Variants in KIF13A observed in about 807,000 individuals in gnomAD.
The protein encoded by KIF13A is kinesin-like protein KIF13A.
Under a neutral mutation model 212.2 loss-of-function variants are expected in KIF13A, and 79 were observed. The ratio of observed to expected loss-of-function variants is 0.37; its 90% CI spans 0.31 to 0.45. KIF13A has a LOEUF of 0.45. KIF13A is among the 20% of genes least tolerant of loss of function. KIF13A has a pLI of 1.00. For missense variants in KIF13A, 1,901 were observed against 2,209.0 expected (o/e 0.86, Z 2.79); for synonymous variants, 789 against 808.6 (o/e 0.98, Z 0.41).
At chr6:17,841,935 T>G (rs544517914) in intron 9 of KIF13A, among the ~76,000 whole-genome samples, 4 of 150,400 alleles carry the variant, frequency 2.7e-5, no homozygotes, top group Middle Eastern at 3.2e-3. Context: ...GTCTGTGTGT[T>G]TGTGTGTCTA....
In KIF13A at chr6:17,780,850, C is replaced by T; in HGVS notation, c.3726G>A (p.Arg1242=). Residue 1242 remains arginine, a synonymous_variant, in exon 31 of 39, where the codon AGG becomes AGA. Transcript: ENST00000259711. Reference sequence around the variant, plus strand: ...AAATCCTTTCATTCTGTGGTGTGACCCTATTCAAGTGAACAGAATCATGCA... The same window carrying T: ...AAATCCTTTCATTCTGTGGTGTGACTCTATTCAAGTGAACAGAATCATGCA... ...SSVHDSVHLN[R]VTPQNERIYL... The T allele has an allele frequency of 6.2e-7, 1 of 1,613,808 alleles. No homozygotes were observed. The highest frequency in any genetic ancestry group is 1.1e-5 in the South Asian group (1 of 91,080).
In KIF13A at chr6:17,810,919, C is replaced by A. The variant is rs143551910; in HGVS notation, c.2001-1989G>T. Reference sequence around the variant, plus strand: ...GCTTCGCTTGCTGGCCCACTATTCACCTCCTGCTGTGCAGCCTGGTTCCTA... The same window carrying A: ...GCTTCGCTTGCTGGCCCACTATTCAACTCCTGCTGTGCAGCCTGGTTCCTA... On this transcript the variant is annotated intron_variant, in intron 17 of 38. Coordinates refer to ENST00000259711, the MANE Select transcript of KIF13A (RefSeq NM_022113.6). Among the ~76,000 whole-genome samples, 1,239 of 152,316 alleles carry A rather than the reference C, an allele frequency of 8.1e-3. 20 individuals carry two copies. Among genetic ancestry groups the A allele is most frequent in the African/African-American group, 0.029 (1,196 of 41,576 alleles).
At position 17,777,382 on chromosome 6, in the gene KIF13A, A is replaced by G. The variant is rs375439120; in HGVS notation, c.4093-28T>C. On this transcript the variant is annotated intron_variant, in intron 33 of 38. Transcript: ENST00000259711. The surrounding 1 kb of genome is among the most constrained non-coding windows in gnomAD (Gnocchi z 4.4). ...GTAAACATAATAATTTGAAAATAAC[A>G]CTTTTTTTTTTTTTCCCCAGAGACA... 2.1e-4 allele frequency: 297 copies of G among 1,419,086 alleles called. No individual in the cohort carries two copies. The highest frequency in any genetic ancestry group is 2.0e-3 in the African/African-American group (105 of 52,026). The allele number at this position is 1,419,086 out of a possible 1,614,324, so 87.9% of individuals were successfully genotyped here. A position where few individuals can be genotyped will look rare whatever the true frequency, so the allele number is the denominator to read the frequency against.
chr6:17,894,501 T>C (rs921579941), intron 3 of KIF13A, among the ~76,000 whole-genome samples: 14 of 152,120 alleles, frequency 9.2e-5, no homozygotes, highest in African/African-American at 3.4e-4. Flanking sequence ...TTCATAATCA[T>C]GACTTTTTTT....
At chr6:17,981,276 G>A (rs1466270481) in intron 2 of KIF13A, among the ~76,000 whole-genome samples, 1 of 151,592 alleles carries the variant, frequency 6.6e-6, no homozygotes, top group Non-Finnish European at 1.5e-5. Context: ...ACAGTTAAGA[G>A]TATTTTTTCA....
At chr6:17,810,588 T>C (rs984257232) in intron 17 of KIF13A, among the ~76,000 whole-genome samples, 2 of 152,228 alleles carry the variant, frequency 1.3e-5, no homozygotes, top group Admixed American at 6.5e-5. Flanking sequence ...TATTGTGCAC[T>C]TTATTTCTAT....
rs1294696224 is a variant in KIF13A, at chr6:17,915,722, G to C, written c.147-17542C>G. Among the ~76,000 whole-genome samples, 2 of 152,136 alleles carry C rather than the reference G, an allele frequency of 1.3e-5. No homozygotes were observed. Among genetic ancestry groups the C allele is most frequent in the African/African-American group, 4.8e-5 (2 of 41,414 alleles). On this transcript the variant is annotated intron_variant, in intron 2 of 38. Coordinates refer to ENST00000259711, the MANE Select transcript of KIF13A (RefSeq NM_022113.6). This position sits in a 1 kb window ranked among gnomAD's most constrained non-coding sequence, Gnocchi z 4.4. ...CACGCCTGTAATCGCAGCACTTTGG[G>C]AGGCTAAGGCAGGTGGATCACTTGA...
intron 2 of KIF13A, among the ~76,000 whole-genome samples, chr6:17,955,419 C>T (rs558548551): frequency 6.6e-6 from 1 of 152,324 alleles, no homozygotes; most frequent in African/African-American, 2.4e-5. Flanking sequence ...GGCAAAGCTT[C>T]ATGTAGACTT....
At chr6:17,805,747 C>T in intron 18 of KIF13A, 132 bp from the exon 19 acceptor site, 1 of 768,708 alleles carries the variant, frequency 1.3e-6, no homozygotes, top group South Asian at 2.0e-5. Context: ...TAAAATTCTA[C>T]CACCTACGAG....
chr6:17,926,525 C>G lies in KIF13A; in HGVS notation c.147-28345G>C, dbSNP rs894903333. On this transcript the variant is annotated intron_variant, in intron 2 of 38. Transcript: ENST00000259711. This position sits in a 1 kb window ranked among gnomAD's most constrained non-coding sequence, Gnocchi z 4.3. ...GGTATTACAGGTGTGAGCCACCATG[C>G]CTGGCCCCTGGTACGTTTCTTTAAA... 6.6e-6 allele frequency among the ~76,000 whole-genome samples: 1 copy of G among 152,136 alleles called. No homozygotes were observed. Among genetic ancestry groups the G allele is most frequent in the Admixed American group, 6.5e-5 (1 of 15,276 alleles).
chr6:17,869,013 A>AC (rs1219443752), intron 4 of KIF13A, among the ~76,000 whole-genome samples: 2 of 149,420 alleles, frequency 1.3e-5, no homozygotes, highest in African/African-American at 2.5e-5. Flanking sequence ...AAAAAAAAAA[A>AC]AAAAAAACAC....
chr6:17,908,646 A>T (rs931622039), intron 2 of KIF13A, among the ~76,000 whole-genome samples: 1 of 152,138 alleles, frequency 6.6e-6, no homozygotes, highest in African/African-American at 2.4e-5. Context: ...TTGTAATTTT[A>T]AAAAATGCTA....
chr6:17,879,018 T>G (rs577194419), intron 3 of KIF13A, among the ~76,000 whole-genome samples: 1 of 152,174 alleles, frequency 6.6e-6, no homozygotes, highest in Non-Finnish European at 1.5e-5. Flanking sequence ...TATTAAACAT[T>G]TACTAGGAAG....
rs976410798 is a variant in KIF13A, at chr6:17,987,304, GC to G, written c.55+104del. 4.2e-5 allele frequency: 38 copies of G among 906,962 alleles called. No individual in the cohort carries two copies. The highest frequency in any genetic ancestry group is 4.2e-4 in the Middle Eastern group (1 of 2,384). 56.2% of individuals were successfully genotyped at this position (906,962 alleles called of 1,614,324 possible). A position where few individuals can be genotyped will look rare whatever the true frequency, so the allele number is the denominator to read the frequency against. ...CAGCGCGGACGCCGCCTCCGCCCCG[GC>G]CCCCCGGCCCCGGCCGCGCTCTCGC... On this transcript the variant is annotated intron_variant, in intron 1 of 38. Transcript: ENST00000259711. This position sits in a 1 kb window ranked among gnomAD's most constrained non-coding sequence, Gnocchi z 7.7.
At chr6:17,973,346 A>T (rs1382336044) in intron 2 of KIF13A, among the ~76,000 whole-genome samples, 1 of 152,190 alleles carries the variant, frequency 6.6e-6, no homozygotes, top group Non-Finnish European at 1.5e-5. Flanking sequence ...AGGTATGTAG[A>T]ATGTCTGTAA....
At chr6:17,793,927 C>G (rs1283315207) in intron 25 of KIF13A, among the ~76,000 whole-genome samples, 1 of 151,552 alleles carries the variant, frequency 6.6e-6, no homozygotes, top group African/African-American at 2.4e-5. Context: ...AAAAAAAACA[C>G]ACACAAAAAA....
intron 2 of KIF13A, among the ~76,000 whole-genome samples, chr6:17,908,940 T>C (rs1225472089): frequency 6.6e-6 from 1 of 152,196 alleles, no homozygotes; most frequent in Non-Finnish European, 1.5e-5. Context: ...TCTAGCCATG[T>C]TGACCTTGGA....
In KIF13A at chr6:17,951,231, G is replaced by A. The variant is rs1301651204; in HGVS notation, c.146+35823C>T. ...GTGCAGTGGCTCAAACAGCTCACTGGAGCCTCCTGCCTCAGTCTCCTGAGT... is the reference window on the plus strand; with the variant it reads ...GTGCAGTGGCTCAAACAGCTCACTGAAGCCTCCTGCCTCAGTCTCCTGAGT... On this transcript the variant is annotated intron_variant, in intron 2 of 38. Coordinates refer to ENST00000259711, the MANE Select transcript of KIF13A (RefSeq NM_022113.6). This position sits in a 1 kb window ranked among gnomAD's most constrained non-coding sequence, Gnocchi z 4.9. 3.6e-6 allele frequency: 3 copies of A among 834,012 alleles called. No homozygotes were observed. Among genetic ancestry groups the A allele is most frequent in the Non-Finnish European group, 4.9e-6 (3 of 607,522 alleles). The allele number at this position is 834,012 out of a possible 1,614,324, so 51.7% of individuals were successfully genotyped here.
chr6:17,893,824 TC>T (rs1234504992), intron 3 of KIF13A, among the ~76,000 whole-genome samples: 1 of 149,204 alleles, frequency 6.7e-6, no homozygotes, highest in Non-Finnish European at 1.5e-5. Flanking sequence ...ATGCTTTTTT[TC>T]CTGCATCTTT....
Sources: allele counts gnomAD v4.1 joint callset (sites outside exome capture counted in the v4.1 genomes callset), GRCh38; gene constraint gnomAD v4.1.1; non-coding constraint Gnocchi (gnomAD v3.1); transcripts MANE v1.5; gene names NCBI Gene and HGNC (gene_info 2026-07-23, HGNC 2026-07-21).